COQ5: variants seen among roughly 807,000 people sequenced by gnomAD.
COQ5 encodes the protein coenzyme Q5, methyltransferase.
Under a neutral mutation model 40.5 loss-of-function variants are expected in COQ5, and 27 were observed. That is an observed-to-expected ratio of 0.67 (90% CI 0.49 to 0.92). The LOEUF is 0.92. Among genes scored for constraint, COQ5 ranks in the 40% least tolerant of loss-of-function variants. The probability of loss-of-function intolerance (pLI) is 0.00; values close to 1 mark genes in which losing one functional copy is unlikely to be tolerated. For missense variants in COQ5, 409 were observed against 406.4 expected (o/e 1.01, Z -0.06); for synonymous variants, 141 against 150.0 (o/e 0.94, Z 0.44).
rs1593011566 is a variant in COQ5 at position 120,503,474 on chromosome 12, C to T, written c.*310G>A. 3 of 496,444 alleles carry T rather than the reference C, an allele frequency of 6.0e-6. No individual in the cohort carries two copies. Among genetic ancestry groups the T allele is most frequent in the South Asian group, 4.7e-5 (3 of 63,328 alleles). The allele number at this position is 496,444 out of a possible 1,614,324, so 30.8% of individuals were successfully genotyped here. A position where few individuals can be genotyped will look rare whatever the true frequency, so the allele number is the denominator to read the frequency against. ...CACCAGCAGAGAAGCTATAAATACACTCACTTCAAAACTGAGCTTTAGGGG... is the reference window on the plus strand; with the variant it reads ...CACCAGCAGAGAAGCTATAAATACATTCACTTCAAAACTGAGCTTTAGGGG... On this transcript the variant is annotated 3_prime_UTR_variant, in exon 7 of 7. Transcript: ENST00000288532.
At chr12:120,525,870 A>G (rs562803343) in intron 1 of COQ5, among the ~76,000 whole-genome samples, 1 of 152,216 alleles carries the variant, frequency 6.6e-6, no homozygotes, top group Non-Finnish European at 1.5e-5. Context: ...GCTTACAGTG[A>G]GCTGAGATCG....
intron 1 of COQ5, chr12:120,523,157 T>C (rs1385256649): frequency 3.9e-6 from 1 of 257,890 alleles, no homozygotes; most frequent in Non-Finnish European, 7.3e-6. Context: ...GCTAACATGG[T>C]GAAACCCCGT....
chr12:120,525,225 G>A (rs920982993), intron 1 of COQ5, among the ~76,000 whole-genome samples: 2 of 151,484 alleles, frequency 1.3e-5, no homozygotes, highest in African/African-American at 4.9e-5. Context: ...TCAGCCTCCC[G>A]AATAGCTACG....
intron 4 of COQ5, among the ~76,000 whole-genome samples, chr12:120,507,894 A>G (rs1425229321): frequency 6.6e-6 from 1 of 150,920 alleles, no homozygotes; most frequent in Non-Finnish European, 1.5e-5. Flanking sequence ...CTCAAAAAAT[A>G]ATAATAATAA....
At chr12:120,509,145 G>C (rs1431448974) in intron 4 of COQ5, among the ~76,000 whole-genome samples, 1 of 152,084 alleles carries the variant, frequency 6.6e-6, no homozygotes, top group African/African-American at 2.4e-5. Context: ...AGAGGACCCA[G>C]GCAACCAGAG....
rs527630225 is a variant in COQ5, at chr12:120,529,129, C to G, written c.13G>C (p.Gly5Arg). 3 of 1,612,938 alleles carry G rather than the reference C, an allele frequency of 1.9e-6. No individual in the cohort carries two copies. Among genetic ancestry groups the G allele is most frequent in the Non-Finnish European group, 2.5e-6 (3 of 1,179,358 alleles). Reference sequence around the variant, plus strand: ...CAATAGCTCCATAGAGCACAGCTCCCGGGGGCCGCCATCTTGGTAGTCGAG... The same window carrying G: ...CAATAGCTCCATAGAGCACAGCTCCGGGGGGCCGCCATCTTGGTAGTCGAG... Reference protein sequence around the residue: MAAPGSCALWSYCGR... With the variant: MAAPRSCALWSYCGR... The change falls in exon 1 of 7, where the codon GGG (glycine) becomes CGG (arginine). Residue 5 changes from glycine (G) to arginine (R), a missense_variant. Coordinates refer to ENST00000288532, the MANE Select transcript of COQ5 (RefSeq NM_032314.4).
intron 1 of COQ5, among the ~76,000 whole-genome samples, chr12:120,524,539 C>T (rs1565934461): frequency 1.3e-5 from 2 of 152,108 alleles, no homozygotes; most frequent in African/African-American, 2.4e-5. Context: ...GGATTATAGG[C>T]GTGAGCCACC....
intron 4 of COQ5, among the ~76,000 whole-genome samples, chr12:120,508,719 T>C (rs60162888): frequency 0.16 from 24,898 of 152,086 alleles, 2,610 homozygotes; most frequent in African/African-American, 0.3. Context: ...CCTTTTGAAC[T>C]TTGAACCTAT....
rs377057920 is a variant in COQ5 at position 120,508,696 on chromosome 12, A to G, written c.681+1321T>C. Among the ~76,000 whole-genome samples the G allele has an allele frequency of 2.1e-4, 32 of 152,304 alleles. 1 individual carries two copies. The South Asian group carries it at 6.6e-3, about 32-fold the overall frequency. On this transcript the variant is annotated intron_variant, in intron 4 of 6. Transcript: ENST00000288532. Reference sequence around the variant, plus strand: ...AAGGATGGGAGGGAGATTGTCACATATAACCTTTTGTGCCTTTTGAACTTT... The same window carrying G: ...AAGGATGGGAGGGAGATTGTCACATGTAACCTTTTGTGCCTTTTGAACTTT...
In COQ5 at chr12:120,529,122, C is replaced by G; in HGVS notation, c.20G>C (p.Cys7Ser). 6.2e-7 allele frequency: 1 copy of G among 1,613,850 alleles called. No homozygotes were observed. Among genetic ancestry groups the G allele is most frequent in the Non-Finnish European group, 8.5e-7 (1 of 1,179,876 alleles). MAAPGS[C>S]ALWSYCGRGW... ...ACGGCCGCAATAGCTCCATAGAGCA[C>G]AGCTCCCGGGGGCCGCCATCTTGGT... The change falls in exon 1 of 7, where the codon TGT becomes TCT. Residue 7 changes from cysteine to serine, a missense_variant. Coordinates refer to ENST00000288532, the MANE Select transcript of COQ5 (RefSeq NM_032314.4).
intron 4 of COQ5, chr12:120,509,773 A>ATC (rs796329199): frequency 3.7e-4 from 162 of 433,746 alleles, no homozygotes; most frequent in Middle Eastern, 2.0e-3. Context: ...AAATCTATCT[A>ATC]TCTCTCTCTC....
intron 4 of COQ5, among the ~76,000 whole-genome samples, chr12:120,508,765 A>C (rs1671770): frequency 0.79 from 120,219 of 152,042 alleles, 47,906 homozygotes; most frequent in Admixed American, 0.85. Flanking sequence ...GTGGCTCACG[A>C]CTGTAATCCC....
Position 120,503,737 on chromosome 12 carries a change from G to T in COQ5, c.*47C>A. 2.9e-6 allele frequency: 4 copies of T among 1,399,550 alleles called. No individual in the cohort carries two copies. Among genetic ancestry groups the T allele is most frequent in the Non-Finnish European group, 3.0e-6 (3 of 985,642 alleles). The allele number at this position is 1,399,550 out of a possible 1,614,324, so 86.7% of individuals were successfully genotyped here. A position where few individuals can be genotyped will look rare whatever the true frequency, so the allele number is the denominator to read the frequency against. The stretch of plus-strand genomic sequence containing the variant: ...TTGCCAGATTATCCTTCAGTTCCAG[G>T]CTTTCAACAGGATATGACTGGTTCA... On this transcript the variant is annotated 3_prime_UTR_variant, in exon 7 of 7. Coordinates refer to ENST00000288532, the MANE Select transcript of COQ5 (RefSeq NM_032314.4).
chr12:120,510,764 T>C (rs1015505985), intron 3 of COQ5, among the ~76,000 whole-genome samples: 5 of 152,180 alleles, frequency 3.3e-5, no homozygotes, highest in African/African-American at 4.8e-5. Context: ...ATTGGAATCA[T>C]AGAGCATCAG....
chr12:120,505,508 T>G (rs921814289), intron 4 of COQ5, among the ~76,000 whole-genome samples: 2 of 151,534 alleles, frequency 1.3e-5, no homozygotes, highest in African/African-American at 4.8e-5. Flanking sequence ...CTGCCTCAGC[T>G]TCCTGAGTAG....
At chr12:120,525,214 C>T (rs2137094140) in intron 1 of COQ5, among the ~76,000 whole-genome samples, 1 of 152,222 alleles carries the variant, frequency 6.6e-6, no homozygotes, top group Non-Finnish European at 1.5e-5. Flanking sequence ...ATTCTCCTGC[C>T]TCAGCCTCCC....
At chr12:120,528,241 C>CA (rs578219249) in intron 1 of COQ5, among the ~76,000 whole-genome samples, 1 of 151,206 alleles carries the variant, frequency 6.6e-6, no homozygotes, top group Non-Finnish European at 1.5e-5. Flanking sequence ...TAAAAACAAC[C>CA]AAAAAAACCC....
At chr12:120,516,891 A>ACT in intron 2 of COQ5, 103 bp from the exon 3 acceptor site, 4 of 981,498 alleles carry the variant, frequency 4.1e-6, no homozygotes, top group Non-Finnish European at 6.5e-6. Context: ...GCACAGGAGT[A>ACT]CCTGTGTTAG....
chr12:120,515,912 A>C (rs77019934), intron 3 of COQ5, among the ~76,000 whole-genome samples: 12 of 152,170 alleles, frequency 7.9e-5, no homozygotes, highest in Non-Finnish European at 1.3e-4. Flanking sequence ...AGGGCAAGTT[A>C]TTTCTTTTTT....
Sources: gnomAD v4.1 joint callset for allele counts (sites outside exome capture counted in the v4.1 genomes callset) on GRCh38, gnomAD v4.1.1 for gene constraint, MANE v1.5 for transcripts, NCBI Gene and HGNC (gene_info 2026-07-23, HGNC 2026-07-21) for gene names.